The following PXDNL variants were observed in gnomAD, a reference collection of about 807,000 sequenced individuals.
PXDNL encodes probable oxidoreductase PXDNL.
A neutral mutation model predicts 150.8 loss-of-function variants in PXDNL; 145 were observed. The ratio of observed to expected loss-of-function variants is 0.96; its 90% CI spans 0.84 to 1.10. PXDNL has a LOEUF of 1.10. Among genes scored for constraint, PXDNL ranks in the 50% least tolerant of loss-of-function variants. The pLI is 0.00. For synonymous variants in PXDNL, 757 were observed against 725.7 expected (o/e 1.04, Z -0.69); for missense variants, 2,087 against 1,873.9 (o/e 1.11, Z -2.10).
intron 9 of PXDNL, among the ~76,000 whole-genome samples, chr8:51,454,241 T>G (rs1299329393): frequency 6.6e-6 from 1 of 152,190 alleles, no homozygotes; most frequent in Non-Finnish European, 1.5e-5. Flanking sequence ...GGAGCCACTT[T>G]GTGATTAAGA....
chr8:51,561,678 C>A (rs1172648390), intron 3 of PXDNL, among the ~76,000 whole-genome samples: 1 of 151,914 alleles, frequency 6.6e-6, no homozygotes, highest in South Asian at 2.1e-4. Context: ...GTAGTAAACT[C>A]GTGGTGACAG....
At chr8:51,771,302 C>A (rs934569424) in intron 1 of PXDNL, among the ~76,000 whole-genome samples, 1 of 152,170 alleles carries the variant, frequency 6.6e-6, no homozygotes, top group African/African-American at 2.4e-5. Context: ...ACAAAGATTA[C>A]ACTTATCCAT....
At chr8:51,747,901 G>A (rs999840147) in intron 1 of PXDNL, among the ~76,000 whole-genome samples, 1 of 151,112 alleles carries the variant, frequency 6.6e-6, no homozygotes, top group Non-Finnish European at 1.5e-5. Context: ...CCTGCCTTGG[G>A]GTCTGATCTC....
intron 1 of PXDNL, among the ~76,000 whole-genome samples, chr8:51,728,006 A>G (rs1412871261): frequency 6.6e-6 from 1 of 152,370 alleles, no homozygotes; most frequent in Middle Eastern, 3.4e-3. Context: ...TCACATATGT[A>G]TTCTATTGCT....
intron 5 of PXDNL, among the ~76,000 whole-genome samples, chr8:51,493,461 T>C (rs989686606): frequency 2.7e-4 from 41 of 151,226 alleles, no homozygotes; most frequent in African/African-American, 9.5e-4. Flanking sequence ...TGAGAGAAGG[T>C]GTCAGATGAT....
At chr8:51,486,790 ATATATTTTTTTTTTTTTTTTTT>A (rs1810771630) in intron 5 of PXDNL, among the ~76,000 whole-genome samples, 2 of 23,964 alleles carry the variant, frequency 8.3e-5, no homozygotes, top group Admixed American at 1.7e-3. Context: ...ATATATATAT[ATATATTTTTTTTTTTTTTTTTT>A]TTTTTTTTTG....
At chr8:51,801,172 G>A (rs193076941) in intron 1 of PXDNL, among the ~76,000 whole-genome samples, 2,030 of 152,192 alleles carry the variant, frequency 0.013, 20 homozygotes, top group Admixed American at 0.019. Flanking sequence ...ATAAACAGCC[G>A]CTCTGGGAGT....
At chr8:51,615,808 G>A (rs1814117632) in intron 2 of PXDNL, among the ~76,000 whole-genome samples, 1 of 152,168 alleles carries the variant, frequency 6.6e-6, no homozygotes, top group Non-Finnish European at 1.5e-5. Flanking sequence ...CCAATATGAT[G>A]TTAAGATCAG....
intron 7 of PXDNL, among the ~76,000 whole-genome samples, chr8:51,473,547 T>A (rs1810398244): frequency 6.6e-6 from 1 of 151,888 alleles, no homozygotes; most frequent in Non-Finnish European, 1.5e-5. Flanking sequence ...AAGAAAGGCT[T>A]AAGAACTTCC....
At chr8:51,678,546 G>C (rs575926806) in intron 1 of PXDNL, among the ~76,000 whole-genome samples, 1 of 151,124 alleles carries the variant, frequency 6.6e-6, no homozygotes, top group African/African-American at 2.5e-5. Context: ...CATAAAAAAT[G>C]ATGAGTTCAT....
chr8:51,721,838 T>C, intron 1 of PXDNL: 1 of 276,516 alleles, frequency 3.6e-6, no homozygotes, highest in Non-Finnish European at 7.2e-6. Flanking sequence ...ACCAAGCTGG[T>C]TTACAATGGT....
chr8:51,518,270 AT>A (rs994331242), intron 4 of PXDNL, among the ~76,000 whole-genome samples: 3 of 152,216 alleles, frequency 2.0e-5, no homozygotes, highest in African/African-American at 7.2e-5. Context: ...CTGGAGCTCC[AT>A]CTGGGCACAT....
At chr8:51,365,607 T>G (rs565909349) in intron 19 of PXDNL, among the ~76,000 whole-genome samples, 1 of 152,204 alleles carries the variant, frequency 6.6e-6, no homozygotes, top group African/African-American at 2.4e-5. Context: ...AACGTTTGCA[T>G]GCAGCCATCT....
At chr8:51,409,603 G>C in intron 16 of PXDNL, 42 bp from the exon 17 acceptor site, 1 of 1,492,936 alleles carries the variant, frequency 6.7e-7, no homozygotes, top group Non-Finnish European at 9.0e-7. Context: ...GGCGGGCCTG[G>C]GAGGGCGCGG....
chr8:51,780,308 G>A (rs1427768881), intron 1 of PXDNL, among the ~76,000 whole-genome samples: 2 of 152,118 alleles, frequency 1.3e-5, no homozygotes, highest in Non-Finnish European at 2.9e-5. Flanking sequence ...TAAAGTTTGA[G>A]GGACACTAAT....
At chr8:51,344,732 A>G (rs1441437175) in intron 20 of PXDNL, among the ~76,000 whole-genome samples, 3 of 152,228 alleles carry the variant, frequency 2.0e-5, no homozygotes, top group African/African-American at 7.2e-5. Context: ...AATGCCTGTA[A>G]AATGCTAGGT....
chr8:51,388,353 G>C (rs569786039), intron 17 of PXDNL, among the ~76,000 whole-genome samples: 1 of 151,994 alleles, frequency 6.6e-6, no homozygotes, highest in East Asian at 1.9e-4. Context: ...ATATTAATCA[G>C]TCTTTTTTTC....
chr8:51,364,682 T>C (rs1368030243), intron 19 of PXDNL, among the ~76,000 whole-genome samples: 1 of 152,208 alleles, frequency 6.6e-6, no homozygotes, highest in Non-Finnish European at 1.5e-5. Flanking sequence ...GGTACATTTG[T>C]TGTCTCACAA....
intron 14 of PXDNL, among the ~76,000 whole-genome samples, chr8:51,414,635 G>GA (rs1403599057): frequency 6.6e-6 from 1 of 151,720 alleles, no homozygotes; most frequent in South Asian, 2.1e-4. Flanking sequence ...ATAATTGAAA[G>GA]AAAAAAAGAC....
Sources: allele counts gnomAD v4.1 joint callset (sites outside exome capture counted in the v4.1 genomes callset), GRCh38; gene constraint gnomAD v4.1.1; transcripts MANE v1.5; gene names NCBI Gene and HGNC (gene_info 2026-07-23, HGNC 2026-07-21).